Variants in CRACDL observed in about 807,000 individuals in gnomAD.
CRACDL encodes the protein CRACD like, also known as CRACD-like protein.
A neutral mutation model predicts 70.6 loss-of-function variants in CRACDL; 26 were observed. The ratio of observed to expected loss-of-function variants is 0.37; its 90% CI spans 0.27 to 0.51. CRACDL has a LOEUF of 0.51. CRACDL is among the 20% of genes least tolerant of loss of function. The pLI is 0.94. For missense variants in CRACDL, 1,283 were observed against 1,376.9 expected (o/e 0.93, Z 1.08); for synonymous variants, 618 against 615.2 (o/e 1.00, Z -0.07).
intron 1 of CRACDL, among the ~76,000 whole-genome samples, chr2:98,857,288 C>T (rs1385699972): frequency 2.0e-5 from 3 of 152,116 alleles, no homozygotes; most frequent in Non-Finnish European, 4.4e-5. Flanking sequence ...ATATTTTGTA[C>T]AGACTCTATG....
intron 7 of CRACDL, among the ~76,000 whole-genome samples, chr2:98,811,862 G>T (rs1228173396): frequency 2.0e-5 from 3 of 152,146 alleles, no homozygotes; most frequent in African/African-American, 7.2e-5. Flanking sequence ...GTATATTGAG[G>T]GTCCATTCCT....
intron 1 of CRACDL, among the ~76,000 whole-genome samples, chr2:98,849,771 C>T (rs1176390412): frequency 2.0e-5 from 3 of 151,804 alleles, no homozygotes; most frequent in Non-Finnish European, 4.4e-5. Flanking sequence ...GGTTTCAGAA[C>T]CTACTCATGT....
intron 1 of CRACDL, among the ~76,000 whole-genome samples, chr2:98,871,286 G>C (rs189792442): frequency 6.6e-6 from 1 of 152,342 alleles, no homozygotes; most frequent in Non-Finnish European, 1.5e-5. Flanking sequence ...CTTTGTGATA[G>C]GACCTCCTTA....
chr2:98,865,860 G>A (rs1237035550), intron 1 of CRACDL, among the ~76,000 whole-genome samples: 1 of 150,060 alleles, frequency 6.7e-6, no homozygotes, highest in African/African-American at 2.5e-5. Flanking sequence ...GAGTGCAGTG[G>A]CGCAACCTCA....
intron 7 of CRACDL, among the ~76,000 whole-genome samples, chr2:98,819,873 G>T (rs1040899582): frequency 7.1e-6 from 1 of 141,726 alleles, no homozygotes; most frequent in African/African-American, 2.7e-5. Flanking sequence ...AGGCTGGAGT[G>T]CAGTGGCGTG....
intron 7 of CRACDL, among the ~76,000 whole-genome samples, chr2:98,807,561 G>C (rs1444107119): frequency 6.6e-6 from 1 of 152,228 alleles, no homozygotes; most frequent in Non-Finnish European, 1.5e-5. Context: ...TGACACTGTG[G>C]AGCGTGGGCT....
chr2:98,827,508 T>C (rs1299065774), intron 5 of CRACDL, among the ~76,000 whole-genome samples: 3 of 152,196 alleles, frequency 2.0e-5, no homozygotes, highest in Non-Finnish European at 2.9e-5. Context: ...GCCAGGCTGG[T>C]CTTAAACTCC....
intron 1 of CRACDL, among the ~76,000 whole-genome samples, chr2:98,857,601 A>C (rs1706758933): frequency 6.6e-6 from 1 of 152,200 alleles, no homozygotes; most frequent in Admixed American, 6.5e-5. Context: ...GGTATGACTG[A>C]CAATATACAC....
chr2:98,868,542 C>T (rs961717216), intron 1 of CRACDL, among the ~76,000 whole-genome samples: 1 of 152,236 alleles, frequency 6.6e-6, no homozygotes, highest in Non-Finnish European at 1.5e-5. Flanking sequence ...AGGTCACCTA[C>T]AGCAGGACAA....
intron 1 of CRACDL, among the ~76,000 whole-genome samples, chr2:98,918,468 G>A (rs1708718754): frequency 6.7e-6 from 1 of 149,230 alleles, no homozygotes; most frequent in Admixed American, 6.7e-5. Flanking sequence ...AACCTGGGAG[G>A]TGGATGTTGC....
At chr2:98,922,550 GC>G (rs1316353462) in intron 1 of CRACDL, among the ~76,000 whole-genome samples, 5 of 152,206 alleles carry the variant, frequency 3.3e-5, no homozygotes, top group Non-Finnish European at 5.9e-5. Context: ...TGCCCAGTGG[GC>G]CAGCTGGCCT....
At chr2:98,866,682 C>T (rs190520515) in intron 1 of CRACDL, among the ~76,000 whole-genome samples, 111 of 151,084 alleles carry the variant, frequency 7.3e-4, no homozygotes, top group Non-Finnish European at 1.3e-3. Context: ...TAATTAGAGA[C>T]AGGGTTTCAC....
intron 6 of CRACDL, among the ~76,000 whole-genome samples, chr2:98,825,267 AC>A (rs1018628682): frequency 1.3e-5 from 2 of 152,168 alleles, no homozygotes; most frequent in Admixed American, 1.3e-4. Flanking sequence ...CCCGCTCCTT[AC>A]CAAGCAGGGA....
intron 7 of CRACDL, among the ~76,000 whole-genome samples, chr2:98,817,637 T>C (rs749420531): frequency 1.1e-4 from 17 of 152,162 alleles, no homozygotes; most frequent in African/African-American, 1.9e-4. Flanking sequence ...TGAGGGTCAG[T>C]CCCCTGTGCT....
At chr2:98,931,412 G>A (rs1448013837) in intron 1 of CRACDL, among the ~76,000 whole-genome samples, 3 of 151,388 alleles carry the variant, frequency 2.0e-5, no homozygotes, top group Non-Finnish European at 4.4e-5. Flanking sequence ...CAACCTCTCT[G>A]ACATTTTCTC....
intron 7 of CRACDL, among the ~76,000 whole-genome samples, chr2:98,804,000 G>A (rs1704189446): frequency 6.6e-6 from 1 of 152,112 alleles, no homozygotes; most frequent in African/African-American, 2.4e-5. Context: ...ACAGCTTGAG[G>A]GGTTTTGCTT....
intron 1 of CRACDL, among the ~76,000 whole-genome samples, chr2:98,886,358 T>C (rs568504304): frequency 2.0e-5 from 3 of 152,316 alleles, no homozygotes; most frequent in Admixed American, 2.0e-4. Context: ...CACAGCTGCC[T>C]GAGGAAGTGA....
At chr2:98,797,939 C>A (rs974785176) in intron 7 of CRACDL, among the ~76,000 whole-genome samples, 9 of 152,274 alleles carry the variant, frequency 5.9e-5, no homozygotes, top group African/African-American at 2.2e-4. Flanking sequence ...AATCTCTTGT[C>A]TTCTAAAAAC....
chr2:98,925,270 G>C (rs114474461), intron 1 of CRACDL, among the ~76,000 whole-genome samples: 38 of 152,276 alleles, frequency 2.5e-4, no homozygotes, highest in South Asian at 1.5e-3. Flanking sequence ...GTGCACACTT[G>C]GGGGGAGGAA....
Sources: allele counts gnomAD v4.1 joint callset (sites outside exome capture counted in the v4.1 genomes callset), GRCh38; gene constraint gnomAD v4.1.1; transcripts MANE v1.5; gene names NCBI Gene and HGNC (gene_info 2026-07-23, HGNC 2026-07-21).